The following SLC66A2 variants were observed in gnomAD, a reference collection of about 807,000 sequenced individuals.
SLC66A2 encodes solute carrier family 66 member 2.
SLC66A2 carries 23 observed loss-of-function variants against 25.5 expected under a neutral mutation model. The observed-to-expected ratio is 0.90, with a 90% CI of 0.65 to 1.28. The LOEUF (loss-of-function observed/expected upper bound fraction) is 1.28, where lower values mean the gene tolerates loss of function less well. Among genes scored for constraint, SLC66A2 ranks in the 50% most tolerant of loss-of-function variants. SLC66A2 has a pLI of 0.00. For synonymous variants in SLC66A2, 193 were observed against 166.5 expected (o/e 1.16, Z -1.23); for missense variants, 396 against 373.1 (o/e 1.06, Z -0.51).
chr18:79,937,407 A>G lies in SLC66A2; in HGVS notation c.338-3385T>C, dbSNP rs780230820. 5.3e-5 allele frequency among the ~76,000 whole-genome samples: 8 copies of G among 152,158 alleles called. No homozygotes were observed. The highest frequency in any genetic ancestry group is 1.0e-4 in the Non-Finnish European group (7 of 68,036). The stretch of plus-strand genomic sequence containing the variant: ...GCGTAATAATCCAGTAACACACCAA[A>G]CGTCCAACTCACATGTTCAGAATGA... On this transcript the variant is annotated intron_variant, in intron 3 of 5. Coordinates refer to ENST00000397778, the MANE Select transcript of SLC66A2 (RefSeq NM_025078.5). This position sits in a 1 kb window ranked among gnomAD's most constrained non-coding sequence, Gnocchi z 5.4.
At chr18:79,948,931 C>G (rs1001656772) in intron 2 of SLC66A2, among the ~76,000 whole-genome samples, 4 of 152,192 alleles carry the variant, frequency 2.6e-5, no homozygotes, top group Non-Finnish European at 5.9e-5. Flanking sequence ...GTCAACCTTA[C>G]GCTCACTGAG....
chr18:79,909,714 AAC>A (rs1444571808), intron 5 of SLC66A2, among the ~76,000 whole-genome samples: 13 of 43,918 alleles, frequency 3.0e-4, no homozygotes, highest in Non-Finnish European at 3.8e-4. Context: ...ACCATCTCAC[AAC>A]AGAGTCCCCA....
chr18:79,912,127 A>AGGGGAT (rs1983298486), intron 5 of SLC66A2, among the ~76,000 whole-genome samples: 1 of 64,848 alleles, frequency 1.5e-5, no homozygotes, highest in African/African-American at 6.1e-5. Context: ...GGGAGCAGGG[A>AGGGGAT]GGGAGTGGGA....
At chr18:79,910,309 A>G (rs1430709203) in intron 5 of SLC66A2, among the ~76,000 whole-genome samples, 1 of 56,252 alleles carries the variant, frequency 1.8e-5, no homozygotes, top group African/African-American at 7.5e-5. Flanking sequence ...AGAGTCCCCA[A>G]CCTTCCCCAC....
chr18:79,907,773 C>G (rs1317833759), intron 5 of SLC66A2, among the ~76,000 whole-genome samples: 1 of 152,008 alleles, frequency 6.6e-6, no homozygotes, highest in African/African-American at 2.4e-5. Context: ...GTTGTCACAA[C>G]TGGAGGAACA....
chr18:79,913,217 G>A (rs981998597), intron 5 of SLC66A2, among the ~76,000 whole-genome samples: 12 of 152,098 alleles, frequency 7.9e-5, no homozygotes, highest in African/African-American at 2.2e-4. Flanking sequence ...ACACACTGTC[G>A]GGGTCCACAC....
chr18:79,916,286 C>T (rs1269203470), intron 5 of SLC66A2, among the ~76,000 whole-genome samples: 55 of 140,624 alleles, frequency 3.9e-4, no homozygotes, highest in African/African-American at 1.5e-3. Context: ...CGTGGTGCTC[C>T]CGTACCCGTG....
chr18:79,945,141 C>G (rs1263949407), intron 2 of SLC66A2: 5 of 152,546 alleles, frequency 3.3e-5, no homozygotes, highest in Admixed American at 1.3e-4. Flanking sequence ...GAGGCTCCCA[C>G]AGCAACCAGG....
chr18:79,922,172 G>A (rs1392795504), intron 4 of SLC66A2, among the ~76,000 whole-genome samples: 2 of 151,964 alleles, frequency 1.3e-5, no homozygotes, highest in Non-Finnish European at 2.9e-5. Context: ...CAGGCCAGGT[G>A]CAGTGGGCAC....
rs373943074 is a variant in SLC66A2, at chr18:79,913,972, G to A, written c.608+5212C>T. ...TGCCCAGGCTGGAGTGCAGTGGCGCGATCTTGGCTCACTGCAACCTCCGCC... is the reference window on the plus strand; with the variant it reads ...TGCCCAGGCTGGAGTGCAGTGGCGCAATCTTGGCTCACTGCAACCTCCGCC... On this transcript the variant is annotated intron_variant, in intron 5 of 5. Coordinates refer to ENST00000397778, the MANE Select transcript of SLC66A2 (RefSeq NM_025078.5). Among the ~76,000 whole-genome samples, 273 of 152,220 alleles carry A rather than the reference G, an allele frequency of 1.8e-3. 1 individual carries two copies. The highest frequency in any genetic ancestry group is 6.1e-3 in the African/African-American group (255 of 41,530).
At position 79,918,635 on chromosome 18, in the gene SLC66A2, G is replaced by A. The variant is rs965814440; in HGVS notation, c.608+549C>T. 2.6e-5 allele frequency among the ~76,000 whole-genome samples: 4 copies of A among 152,254 alleles called. No individual in the cohort carries two copies. Among genetic ancestry groups the A allele is most frequent in the African/African-American group, 4.8e-5 (2 of 41,462 alleles). On this transcript the variant is annotated intron_variant, in intron 5 of 5. Coordinates refer to ENST00000397778, the MANE Select transcript of SLC66A2 (RefSeq NM_025078.5). This position sits in a 1 kb window ranked among gnomAD's most constrained non-coding sequence, Gnocchi z 4.0. The stretch of plus-strand genomic sequence containing the variant: ...GTGGGCATCATGCTGCTCGCGTTGT[G>A]CCCTACCTCTGGCGGTCACGGGGAC...
At chr18:79,932,309 T>C (rs1986647677) in intron 4 of SLC66A2, among the ~76,000 whole-genome samples, 1 of 151,992 alleles carries the variant, frequency 6.6e-6, no homozygotes, top group African/African-American at 2.4e-5. Flanking sequence ...AAAAAATCAA[T>C]GTTCTAACCT....
intron 3 of SLC66A2, among the ~76,000 whole-genome samples, chr18:79,943,034 T>C (rs1987822527): frequency 1.3e-5 from 2 of 152,234 alleles, no homozygotes; most frequent in African/African-American, 4.8e-5. Context: ...GAGCACTTCT[T>C]GTTCTGACAC....
At chr18:79,934,614 C>T (rs1442947498) in intron 3 of SLC66A2, among the ~76,000 whole-genome samples, 1 of 152,214 alleles carries the variant, frequency 6.6e-6, no homozygotes, top group Non-Finnish European at 1.5e-5. Context: ...CTGGCAATGA[C>T]AGGTTATAAG....
intron 4 of SLC66A2, among the ~76,000 whole-genome samples, chr18:79,924,611 G>C (rs1985705061): frequency 6.6e-6 from 1 of 152,104 alleles, no homozygotes; most frequent in Admixed American, 6.5e-5. Context: ...TCTCTAATTT[G>C]AATGTTATGT....
At chr18:79,925,233 G>T (rs1042012640) in intron 4 of SLC66A2, among the ~76,000 whole-genome samples, 1 of 152,154 alleles carries the variant, frequency 6.6e-6, no homozygotes, top group Non-Finnish European at 1.5e-5. Context: ...AAGCAGCCAG[G>T]CCCCCGCACT....
At chr18:79,914,685 G>A (rs1189518222) in intron 5 of SLC66A2, among the ~76,000 whole-genome samples, 1 of 152,258 alleles carries the variant, frequency 6.6e-6, no homozygotes, top group African/African-American at 2.4e-5. Flanking sequence ...ACACAGCAAG[G>A]GGGGCAGAGG....
intron 5 of SLC66A2, 45 bp downstream of exon 5, chr18:79,919,139 T>C (rs1395221430): frequency 3.3e-6 from 5 of 1,531,484 alleles, no homozygotes; most frequent in Non-Finnish European, 4.5e-6. Flanking sequence ...AGCCATGTGG[T>C]GCCTCTGGAG....
intron 5 of SLC66A2, among the ~76,000 whole-genome samples, chr18:79,909,727 A>G (rs1412563827): frequency 2.4e-5 from 2 of 81,780 alleles, no homozygotes; most frequent in African/African-American, 5.2e-5. Flanking sequence ...AGAGTCCCCA[A>G]CCTTCCCCAC....
Sources: gnomAD v4.1 joint callset for allele counts (sites outside exome capture counted in the v4.1 genomes callset) on GRCh38, gnomAD v4.1.1 for gene constraint, Gnocchi (gnomAD v3.1) non-coding constraint, MANE v1.5 for transcripts, NCBI Gene and HGNC (gene_info 2026-07-23, HGNC 2026-07-21) for gene names.